ZNF385D: variants seen among roughly 807,000 people sequenced by gnomAD.
ZNF385D encodes zinc finger protein 659.
In ZNF385D, 15 loss-of-function variants were observed where a neutral mutation model predicts 35.8. That is an observed-to-expected ratio of 0.42 (90% CI 0.28 to 0.64). The LOEUF (loss-of-function observed/expected upper bound fraction) is 0.64. ZNF385D is among the 30% of genes least tolerant of loss of function. ZNF385D has a pLI of 0.23. For missense variants in ZNF385D, 474 were observed against 494.6 expected, an observed-to-expected ratio of 0.96 and a Z score of 0.39; for synonymous variants, 212 against 186.8, an observed-to-expected ratio of 1.13 and a Z score of -1.10.
At chr3:22,098,147 C>A (rs574451933) in intron 3 of ZNF385D, among the ~76,000 whole-genome samples, 1 of 152,102 alleles carries the variant, frequency 6.6e-6, no homozygotes, top group South Asian at 2.1e-4. Context: ...CCTAGCTTTT[C>A]AGGAAGTTGA....
At chr3:21,845,552 A>T (rs17009795) in intron 3 of ZNF385D, among the ~76,000 whole-genome samples, 9 of 151,940 alleles carry the variant, frequency 5.9e-5, no homozygotes, top group African/African-American at 2.2e-4. Context: ...AACAAACCAC[A>T]CCAGTTTCCA....
At chr3:21,627,560 C>T (rs537034399) in intron 2 of ZNF385D, among the ~76,000 whole-genome samples, 14 of 152,208 alleles carry the variant, frequency 9.2e-5, no homozygotes, top group African/African-American at 3.4e-4. Flanking sequence ...AAATTCTATA[C>T]TCCTCCTTCC....
intron 2 of ZNF385D, among the ~76,000 whole-genome samples, chr3:22,344,177 G>GGGGGGTGTGTGT (rs1553652922): frequency 1.4e-5 from 2 of 140,846 alleles, no homozygotes; most frequent in African/African-American, 5.4e-5. Context: ...GGTGGGGTGG[G>GGGGGGTGTGTGT]GTGTGTGTGT....
chr3:21,744,043 C>T (rs1480726254), intron 1 of ZNF385D, among the ~76,000 whole-genome samples: 2 of 152,118 alleles, frequency 1.3e-5, no homozygotes, highest in Non-Finnish European at 2.9e-5. Flanking sequence ...CTCCCTACCC[C>T]CATTCTCCAT....
At chr3:21,595,177 T>C (rs1303519381) in intron 2 of ZNF385D, among the ~76,000 whole-genome samples, 4 of 152,090 alleles carry the variant, frequency 2.6e-5, no homozygotes, top group African/African-American at 9.7e-5. Context: ...ACCCAGTATT[T>C]CTCCCAGGGA....
chr3:21,965,982 T>C (rs1702891294), intron 3 of ZNF385D, among the ~76,000 whole-genome samples: 1 of 152,176 alleles, frequency 6.6e-6, no homozygotes, highest in South Asian at 2.1e-4. Context: ...AAGTTTGAAA[T>C]TATAGAAAAT....
At chr3:21,622,553 C>T (rs2125817500) in intron 2 of ZNF385D, among the ~76,000 whole-genome samples, 1 of 152,254 alleles carries the variant, frequency 6.6e-6, no homozygotes, top group Non-Finnish European at 1.5e-5. Context: ...GATAATCATA[C>T]ATGACCTTTC....
intron 3 of ZNF385D, among the ~76,000 whole-genome samples, chr3:21,868,607 T>C (rs902618814): frequency 1.3e-5 from 2 of 152,192 alleles, no homozygotes; most frequent in African/African-American, 4.8e-5. Flanking sequence ...ACCAGTTTAA[T>C]GTGCTGGTCA....
At chr3:21,861,253 G>A (rs908903309) in intron 3 of ZNF385D, among the ~76,000 whole-genome samples, 1 of 152,046 alleles carries the variant, frequency 6.6e-6, no homozygotes, top group Admixed American at 6.6e-5. Flanking sequence ...AGGTGTTTTG[G>A]CTGTATCAAT....
At chr3:22,286,477 G>C (rs1271810824) in intron 2 of ZNF385D, among the ~76,000 whole-genome samples, 1 of 151,842 alleles carries the variant, frequency 6.6e-6, no homozygotes, top group East Asian at 1.9e-4. Context: ...CTAGTTCTTT[G>C]AGGTATAATG....
chr3:21,661,909 C>T (rs1479573059), intron 2 of ZNF385D, among the ~76,000 whole-genome samples: 2 of 152,094 alleles, frequency 1.3e-5, no homozygotes, highest in Non-Finnish European at 2.9e-5. Context: ...TTGTGGAAGA[C>T]AATAATAAGA....
chr3:22,111,571 T>C (rs1366829049), intron 3 of ZNF385D, among the ~76,000 whole-genome samples: 1 of 152,122 alleles, frequency 6.6e-6, no homozygotes, highest in African/African-American at 2.4e-5. Flanking sequence ...TTTCCTAATT[T>C]ACCATCTTGG....
At chr3:22,281,983 A>G (rs933965967) in intron 2 of ZNF385D, among the ~76,000 whole-genome samples, 3 of 151,912 alleles carry the variant, frequency 2.0e-5, no homozygotes, top group Non-Finnish European at 4.4e-5. Context: ...GGAGGGTTGT[A>G]TATTTCCAGG....
chr3:22,236,079 C>G (rs1371048764), intron 2 of ZNF385D, among the ~76,000 whole-genome samples: 1 of 151,974 alleles, frequency 6.6e-6, no homozygotes, highest in Non-Finnish European at 1.5e-5. Flanking sequence ...CCTGACACAT[C>G]TGGAATAATA....
intron 2 of ZNF385D, among the ~76,000 whole-genome samples, chr3:21,573,324 T>C (rs2125681927): frequency 6.6e-6 from 1 of 152,290 alleles, no homozygotes; most frequent in Non-Finnish European, 1.5e-5. Context: ...ATACAAAATG[T>C]ACTGGTTAAA....
Position 21,694,042 on chromosome 3 carries a change from C to CTTTT in ZNF385D, c.23-29018_23-29015dup, listed in dbSNP as rs35586361. ...TACAGGCGCGTGCCACTACGCCTGG[C>CTTTT]TTTTTTTTTTTTTTTTTTTGAGACA... On this transcript the variant is annotated intron_variant, in intron 1 of 7. Transcript: ENST00000281523. 7.2e-4 allele frequency among the ~76,000 whole-genome samples: 16 copies of CTTTT among 22,170 alleles called. 3 individuals are homozygous for CTTTT. Among genetic ancestry groups the CTTTT allele is most frequent in the Middle Eastern group, 0.042 (1 of 24 alleles). 14.5% of individuals were successfully genotyped at this position (22,170 alleles called of 152,430 possible).
chr3:22,153,331 A>C lies in ZNF385D; in HGVS notation c.325+15486T>G, dbSNP rs557044178. On this transcript the variant is annotated intron_variant, in intron 3 of 5. Coordinates refer to the ZNF385D transcript ENST00000494108. ...GTGGTCTCACCAGTGGCCATTGTCCACAGAGCCAGATCCTCCCTGATGCTG... is the reference window on the plus strand; with the variant it reads ...GTGGTCTCACCAGTGGCCATTGTCCCCAGAGCCAGATCCTCCCTGATGCTG... Among the ~76,000 whole-genome samples the C allele has an allele frequency of 5.8e-4, 89 of 152,224 alleles. No individual in the cohort carries two copies. The South Asian group carries it at 0.012, about 21-fold the overall frequency.
chr3:21,744,131 G>A (rs1360967710), intron 1 of ZNF385D, among the ~76,000 whole-genome samples: 1 of 152,174 alleles, frequency 6.6e-6, no homozygotes. Context: ...TTGTGACCTT[G>A]AGAAAGTTGT....
intron 1 of ZNF385D, among the ~76,000 whole-genome samples, chr3:21,701,337 C>T (rs948824369): frequency 7.2e-5 from 11 of 151,928 alleles, no homozygotes; most frequent in Non-Finnish European, 1.5e-4. Context: ...AAGAGGAAAC[C>T]CCTGATAAAT....
Sources: allele counts gnomAD v4.1 joint callset (sites outside exome capture counted in the v4.1 genomes callset), GRCh38; gene constraint gnomAD v4.1.1; transcripts MANE v1.5; gene names NCBI Gene and HGNC (gene_info 2026-07-23, HGNC 2026-07-21).